The following ANO4 variants were observed in gnomAD, a reference collection of about 807,000 sequenced individuals.
ANO4 encodes the protein anoctamin-4.
Under a neutral mutation model 141.9 loss-of-function variants are expected in ANO4, and 69 were observed. The observed-to-expected ratio is 0.49, with a 90% CI of 0.40 to 0.59. The LOEUF (loss-of-function observed/expected upper bound fraction) is 0.59, where lower values mean the gene tolerates loss of function less well. Among genes scored for constraint, ANO4 ranks in the 20% least tolerant of loss-of-function variants. The pLI is 0.00. For missense variants in ANO4, 894 were observed against 1,162.2 expected (o/e 0.77, Z 3.36); for synonymous variants, 350 against 394.3 (o/e 0.89, Z 1.33).
chr12:100,750,306 T>A (rs919686434), intron 3 of ANO4, among the ~76,000 whole-genome samples: 1 of 151,268 alleles, frequency 6.6e-6, no homozygotes, highest in Non-Finnish European at 1.5e-5. Flanking sequence ...TAATTTTTTT[T>A]TTTTTTTTTG....
At chr12:101,085,851 A>G (rs1176737772) in intron 16 of ANO4, among the ~76,000 whole-genome samples, 1 of 152,164 alleles carries the variant, frequency 6.6e-6, no homozygotes, top group Non-Finnish European at 1.5e-5. Context: ...TGTGAGCAAA[A>G]AAGACTCCTT....
intron 17 of ANO4, among the ~76,000 whole-genome samples, chr12:101,092,840 G>T (rs2049833715): frequency 6.6e-6 from 1 of 152,070 alleles, no homozygotes; most frequent in South Asian, 2.1e-4. Flanking sequence ...ACACATCATT[G>T]TGAAAGACAT....
In ANO4 at chr12:101,042,514, G is replaced by T. The variant is rs201241359; in HGVS notation, c.1154+46G>T. The T allele has an allele frequency of 6.6e-5, 107 of 1,609,796 alleles. 1 individual carries two copies. The South Asian group carries it at 1.1e-3, about 16-fold the overall frequency. On this transcript the variant is annotated intron_variant, in intron 12 of 27. Coordinates refer to ENST00000392977, the MANE Select transcript of ANO4 (RefSeq NM_001286615.2). ...AGTTTGCCTTTGTTTAGTACTTAGA[G>T]GTGGCTGTTTGCACTTTGGGGGTAT...
intron 5 of ANO4, among the ~76,000 whole-genome samples, chr12:100,951,746 A>G (rs17030792): frequency 0.033 from 4,966 of 152,304 alleles, 211 homozygotes; most frequent in African/African-American, 0.1. Flanking sequence ...TGAGTTTGCT[A>G]CAAAAGATTG....
intron 26 of ANO4, among the ~76,000 whole-genome samples, chr12:101,125,085 A>ATTCT (rs561827250): frequency 6.6e-6 from 1 of 152,142 alleles, no homozygotes; most frequent in East Asian, 1.9e-4. Context: ...CACAATATTG[A>ATTCT]TTCTTTCTAT....
At chr12:100,915,830 A>G (rs1269727528) in intron 2 of ANO4, among the ~76,000 whole-genome samples, 1 of 152,212 alleles carries the variant, frequency 6.6e-6, no homozygotes, top group Non-Finnish European at 1.5e-5. Context: ...TCAAGGTCAC[A>G]TAAAAGTAGC....
intron 7 of ANO4, among the ~76,000 whole-genome samples, chr12:100,981,035 G>A (rs2044436496): frequency 6.6e-6 from 1 of 152,184 alleles, no homozygotes; most frequent in Non-Finnish European, 1.5e-5. Flanking sequence ...CATTCTGCCT[G>A]ACTTGATCCT....
At chr12:100,883,986 A>C (rs1039466487) in intron 1 of ANO4, among the ~76,000 whole-genome samples, 1 of 152,256 alleles carries the variant, frequency 6.6e-6, no homozygotes, top group Non-Finnish European at 1.5e-5. Flanking sequence ...TAACCATATC[A>C]GAAATGTAAT....
At chr12:101,053,193 G>A (rs2047944774) in intron 14 of ANO4, among the ~76,000 whole-genome samples, 1 of 152,166 alleles carries the variant, frequency 6.6e-6, no homozygotes. Context: ...TGAGGCAAAA[G>A]GAAAAGCAGA....
intron 3 of ANO4, among the ~76,000 whole-genome samples, chr12:100,761,982 T>C (rs1476527880): frequency 6.6e-6 from 1 of 152,126 alleles, no homozygotes; most frequent in Non-Finnish European, 1.5e-5. Context: ...CTATGACCTC[T>C]CCTGCCCTCC....
At chr12:101,094,066 A>G (rs907144152) in intron 17 of ANO4, among the ~76,000 whole-genome samples, 190 bp from the exon 18 acceptor site, 1 of 152,182 alleles carries the variant, frequency 6.6e-6, no homozygotes, top group Non-Finnish European at 1.5e-5. Flanking sequence ...TGCCCTGAAA[A>G]TTACGCTAAT....
intron 8 of ANO4, among the ~76,000 whole-genome samples, chr12:101,008,240 C>A (rs1037261898): frequency 9.2e-5 from 14 of 152,248 alleles, no homozygotes; most frequent in African/African-American, 3.4e-4. Flanking sequence ...TTTTAAATAG[C>A]CCTACAAGGT....
At position 101,019,962 on chromosome 12, in the gene ANO4, C is replaced by T. The variant is rs1223025392; in HGVS notation, c.735-72C>T. ...GAAGACATCTGCATCTGAGCAACAC[C>T]AAATTATAACAAAAATTAGATCCTT... On this transcript the variant is annotated intron_variant, in intron 8 of 27. Transcript: ENST00000392977. 5.4e-6 allele frequency: 7 copies of T among 1,307,816 alleles called. No individual in the cohort carries two copies. In the Admixed American group the frequency reaches 8.8e-5, roughly 17 times the overall value. 81.0% of individuals were successfully genotyped at this position (1,307,816 alleles called of 1,614,324 possible).
chr12:100,730,035 ATC>A (rs143580322), intron 1 of ANO4, among the ~76,000 whole-genome samples: 43 of 149,950 alleles, frequency 2.9e-4, no homozygotes, highest in Admixed American at 2.7e-4. Flanking sequence ...GTGCTTATAA[ATC>A]TCTCTCTCTC....
chr12:101,024,412 G>A (rs570341827), intron 9 of ANO4, among the ~76,000 whole-genome samples: 1 of 152,004 alleles, frequency 6.6e-6, no homozygotes, highest in Admixed American at 6.6e-5. Flanking sequence ...CCTGACCAAC[G>A]TGGTAAAACT....
chr12:100,808,801 C>T (rs1489665251), intron 1 of ANO4, among the ~76,000 whole-genome samples: 1 of 152,022 alleles, frequency 6.6e-6, no homozygotes, highest in Non-Finnish European at 1.5e-5. Context: ...CTCTTCTGAC[C>T]CTATATTTCG....
At chr12:100,734,172 C>T (rs1448857243) in intron 2 of ANO4, among the ~76,000 whole-genome samples, 2 of 152,074 alleles carry the variant, frequency 1.3e-5, no homozygotes, top group African/African-American at 2.4e-5. Context: ...ATAGTACAAT[C>T]GAATTACTTT....
intron 1 of ANO4, among the ~76,000 whole-genome samples, chr12:100,880,221 T>C (rs987170589): frequency 6.6e-6 from 1 of 152,140 alleles, no homozygotes; most frequent in Non-Finnish European, 1.5e-5. Context: ...AAACAGGAAA[T>C]ACTGACTGGT....
intron 3 of ANO4, among the ~76,000 whole-genome samples, chr12:100,927,772 C>T (rs1829653611): frequency 6.6e-6 from 1 of 152,082 alleles, no homozygotes; most frequent in African/African-American, 2.4e-5. Context: ...CCTAGTTTTT[C>T]CTTTCATGAT....
Sources: gnomAD v4.1 joint callset for allele counts (sites outside exome capture counted in the v4.1 genomes callset) on GRCh38, gnomAD v4.1.1 for gene constraint, MANE v1.5 for transcripts, NCBI Gene and HGNC (gene_info 2026-07-23, HGNC 2026-07-21) for gene names.